Variants in C2CD3 observed in about 807,000 individuals in gnomAD.
C2CD3 encodes C2 domain-containing protein 3.
A neutral mutation model predicts 234.0 loss-of-function variants in C2CD3; 148 were observed. The ratio of observed to expected loss-of-function variants is 0.63; its 90% CI spans 0.55 to 0.72. The LOEUF (loss-of-function observed/expected upper bound fraction) is 0.72. Ranked by LOEUF, C2CD3 falls within the 30% of genes least tolerant of loss-of-function variation. C2CD3 has a pLI of 0.00. For missense variants in C2CD3, 2,577 were observed against 2,811.5 expected (o/e 0.92, Z 1.89); for synonymous variants, 1,000 against 1,035.4 (o/e 0.97, Z 0.66).
Position 74,034,053 on chromosome 11 carries a change from T to C in C2CD3, c.6107A>G (p.Glu2036Gly). 6.5e-7 allele frequency: 1 copy of C among 1,536,348 alleles called. No individual in the cohort carries two copies. The highest frequency in any genetic ancestry group is 8.7e-7 in the Non-Finnish European group (1 of 1,146,910). The change falls in exon 31 of 33, where the codon GAG becomes GGG. Residue 2036 changes from glutamate (E) to glycine (G), a missense_variant. Coordinates refer to ENST00000334126, the MANE Select transcript of C2CD3 (RefSeq NM_001286577.2). ...AATGGGTACTGCATGCCTCAGGGAC[T>C]CATGGAGCATTCTTCCTCCATTTGA... ...ETSNGGRMLH[E>G]SLRHAVPITR...
intron 9 of C2CD3, among the ~76,000 whole-genome samples, chr11:74,117,975 C>G (rs1327454300): frequency 1.3e-5 from 2 of 151,230 alleles, no homozygotes; most frequent in Non-Finnish European, 2.9e-5. Context: ...GTGATGGGAG[C>G]ACCAAAATCT....
intron 31 of C2CD3, among the ~76,000 whole-genome samples, chr11:74,030,343 T>TG (rs1310353346): frequency 2.0e-5 from 3 of 152,194 alleles, no homozygotes; most frequent in African/African-American, 4.8e-5. Context: ...TCAGTTTATG[T>TG]GAAAAAGTTG....
At chr11:74,098,510 A>C (rs959079901) in intron 15 of C2CD3, among the ~76,000 whole-genome samples, 1 of 152,230 alleles carries the variant, frequency 6.6e-6, no homozygotes, top group Admixed American at 6.5e-5. Context: ...ACCCAAGTCC[A>C]GTGTCTGTGA....
intron 24 of C2CD3, among the ~76,000 whole-genome samples, chr11:74,068,875 G>A (rs568394547): frequency 6.6e-6 from 1 of 152,174 alleles, no homozygotes; most frequent in Admixed American, 6.5e-5. Context: ...GCACGATCTC[G>A]GCTCACTGCA....
intron 24 of C2CD3, among the ~76,000 whole-genome samples, chr11:74,073,860 T>C: frequency 6.6e-6 from 1 of 152,034 alleles, no homozygotes; most frequent in Non-Finnish European, 1.5e-5. Flanking sequence ...TAACCCGGAG[T>C]TTGAACTTTT....
At chr11:74,128,162 C>T (rs957882232) in intron 7 of C2CD3, among the ~76,000 whole-genome samples, 1 of 152,222 alleles carries the variant, frequency 6.6e-6, no homozygotes, top group Admixed American at 6.5e-5. Flanking sequence ...CACGCCCAGC[C>T]ATATTGGCTA....
In C2CD3 at chr11:74,132,935, T is replaced by C; in HGVS notation, c.1126A>G (p.Ile376Val). 6.2e-7 allele frequency: 1 copy of C among 1,613,328 alleles called. No homozygotes were observed. ...AFSRNRFKDHIEDHLLPSTEN... is the reference protein window; with the variant it reads ...AFSRNRFKDHVEDHLLPSTEN... ...GTTGAAGGGAGGAGGTGATCTTCAA[T>C]GTGGTCTTTAAACCGATTCCTAGAA... The change falls in exon 7 of 33, where the codon ATT becomes GTT. Residue 376 changes from isoleucine (I) to valine (V), a missense_variant. Transcript: ENST00000334126.
At position 74,118,325 on chromosome 11, in the gene C2CD3, T is replaced by A. The variant is rs539141247; in HGVS notation, c.1423A>T (p.Lys475Ter). 1.9e-6 allele frequency: 3 copies of A among 1,613,086 alleles called. No individual in the cohort carries two copies. Among genetic ancestry groups the A allele is most frequent in the East Asian group, 2.2e-5 (1 of 44,872 alleles). Residue 475 changes from lysine (K) to a stop codon, truncating the protein, a stop_gained, in exon 9 of 33, where the codon AAA (lysine) becomes TAA (stop). Coordinates refer to ENST00000334126, the MANE Select transcript of C2CD3 (RefSeq NM_001286577.2). LOFTEE classifies it high-confidence loss of function. ...LSEEDDIVPS[K>*]KISQSTALAR... is the part of the protein sequence containing the mutation. The stretch of plus-strand genomic sequence containing the variant: ...AGAGCTGTTGACTGGCTTATTTTTT[T>A]AGAAGGGACGATATCATCCTCTTCA...
At chr11:74,082,121 A>ATTTT (rs1491478450) in intron 22 of C2CD3, among the ~76,000 whole-genome samples, 1 of 119,854 alleles carries the variant, frequency 8.3e-6, no homozygotes, top group African/African-American at 3.1e-5. Flanking sequence ...CTGGCTGTGG[A>ATTTT]TATTTTTTTT....
intron 25 of C2CD3, among the ~76,000 whole-genome samples, chr11:74,055,312 C>G (rs573026895): frequency 1.3e-5 from 2 of 152,164 alleles, no homozygotes; most frequent in Non-Finnish European, 2.9e-5. Context: ...TAAGAAAATG[C>G]CTAACTTTCA....
At chr11:74,064,049 C>A (rs1279520127) in intron 24 of C2CD3, among the ~76,000 whole-genome samples, 1 of 151,914 alleles carries the variant, frequency 6.6e-6, no homozygotes, top group Non-Finnish European at 1.5e-5. Flanking sequence ...ATCCCTCCCC[C>A]GTCCCACCCC....
chr11:74,094,067 T>G, intron 17 of C2CD3, 68 bp from the exon 18 acceptor site: 1 of 1,297,776 alleles, frequency 7.7e-7, no homozygotes, highest in South Asian at 1.3e-5. Flanking sequence ...TCTTTCATGT[T>G]CTTCCAGTGA....
At chr11:74,142,581 G>A (rs933166359) in intron 3 of C2CD3, among the ~76,000 whole-genome samples, 1 of 152,154 alleles carries the variant, frequency 6.6e-6, no homozygotes, top group Non-Finnish European at 1.5e-5. Flanking sequence ...CTGAGGCTGG[G>A]GAAAAGGTGA....
intron 3 of C2CD3, among the ~76,000 whole-genome samples, chr11:74,160,350 C>T (rs1165564424): frequency 6.6e-6 from 1 of 152,006 alleles, no homozygotes; most frequent in Non-Finnish European, 1.5e-5. Flanking sequence ...AAGCATTCAT[C>T]AACAAATCAA....
At chr11:74,026,819 G>GTAGC (rs1424433976) in intron 32 of C2CD3, among the ~76,000 whole-genome samples, 1 of 151,744 alleles carries the variant, frequency 6.6e-6, no homozygotes, top group Non-Finnish European at 1.5e-5. Context: ...AATACAAAAA[G>GTAGC]TAGCTGGGCA....
rs2135493230 is a variant in C2CD3, at chr11:74,100,546, T to TGGAGG, written c.2706_2710dup (p.His904ProfsTer34). 6.2e-7 allele frequency: 1 copy of TGGAGG among 1,611,632 alleles called. No homozygotes were observed. Among genetic ancestry groups the TGGAGG allele is most frequent in the Non-Finnish European group, 8.5e-7 (1 of 1,179,348 alleles). ...TTACTTGAATGACATGTAAAACTGG[T>TGGAGG]GGAGGGGAAGTTTCACCAGCCCGAG... is the stretch of plus-strand genomic sequence containing the variant. On this transcript the variant is annotated frameshift_variant, in exon 15 of 33. Coordinates refer to ENST00000334126, the MANE Select transcript of C2CD3 (RefSeq NM_001286577.2). LOFTEE classifies it high-confidence loss of function.
chr11:74,052,460 A>T (rs2135433425), intron 26 of C2CD3, among the ~76,000 whole-genome samples: 1 of 152,360 alleles, frequency 6.6e-6, no homozygotes, highest in African/African-American at 2.4e-5. Flanking sequence ...TATAGTAAAC[A>T]GCAGAGCCAA....
chr11:74,023,709 G>T (rs1027669008), intron 32 of C2CD3, among the ~76,000 whole-genome samples: 3 of 151,576 alleles, frequency 2.0e-5, no homozygotes, highest in Non-Finnish European at 2.9e-5. Flanking sequence ...CTTTCTCTAT[G>T]GGATCATTGC....
At chr11:74,115,467 A>G (rs952774227) in intron 9 of C2CD3, among the ~76,000 whole-genome samples, 5 of 152,182 alleles carry the variant, frequency 3.3e-5, no homozygotes, top group Non-Finnish European at 5.9e-5. Flanking sequence ...TACACATACA[A>G]CCTAGAATTC....
Sources: gnomAD v4.1 joint callset for allele counts (sites outside exome capture counted in the v4.1 genomes callset) on GRCh38, gnomAD v4.1.1 for gene constraint, MANE v1.5 for transcripts, NCBI Gene and HGNC (gene_info 2026-07-23, HGNC 2026-07-21) for gene names.